Variants in AHI1 observed in about 807,000 individuals in gnomAD.
AHI1 encodes the protein jouberin.
A neutral mutation model predicts 149.3 loss-of-function variants in AHI1; 123 were observed. That is an observed-to-expected ratio of 0.82 (90% confidence interval 0.71 to 0.96). The LOEUF (loss-of-function observed/expected upper bound fraction) is 0.96. AHI1 is among the 40% of genes least tolerant of loss of function. The pLI is 0.00. For missense variants in AHI1, 1,439 were observed against 1,422.7 expected (o/e 1.01, Z -0.18); for synonymous variants, 475 against 459.8 (o/e 1.03, Z -0.42).
At chr6:135,303,643 T>C (rs1453305516) in intron 26 of AHI1, among the ~76,000 whole-genome samples, 3 of 152,084 alleles carry the variant, frequency 2.0e-5, no homozygotes, top group Non-Finnish European at 2.9e-5. Context: ...AGACCAGGAA[T>C]TGGAGGCCCA....
intron 24 of AHI1, among the ~76,000 whole-genome samples, chr6:135,325,246 C>T (rs997384181): frequency 6.6e-5 from 10 of 152,096 alleles, no homozygotes; most frequent in South Asian, 2.1e-4. Context: ...AGGTTGGTTT[C>T]GAACTCCTGA....
chr6:135,387,348 T>A (rs1164991203), intron 23 of AHI1, among the ~76,000 whole-genome samples: 6 of 152,210 alleles, frequency 3.9e-5, no homozygotes, highest in Non-Finnish European at 7.3e-5. Context: ...TTTGTTCTAT[T>A]TTAATGTCTG....
chr6:135,340,085 G>GA, intron 24 of AHI1, among the ~76,000 whole-genome samples: 1 of 152,108 alleles, frequency 6.6e-6, no homozygotes. Flanking sequence ...AAGAAAAAAG[G>GA]AAGGGGCCAG....
intron 26 of AHI1, chr6:135,300,779 C>T: frequency 9.0e-7 from 1 of 1,108,138 alleles, no homozygotes; most frequent in African/African-American, 1.7e-5. Flanking sequence ...AGTTCAAACA[C>T]TCATTTATAA....
intron 24 of AHI1, among the ~76,000 whole-genome samples, chr6:135,332,846 C>T (rs1006146778): frequency 6.6e-6 from 1 of 152,232 alleles, no homozygotes; most frequent in African/African-American, 2.4e-5. Context: ...CGTTCCTTCT[C>T]TGTCTATAAA....
intron 26 of AHI1, chr6:135,302,546 T>C: frequency 1.8e-6 from 2 of 1,093,206 alleles, no homozygotes; most frequent in East Asian, 7.5e-5. Context: ...TTCCTATCAC[T>C]GGCATACCCA....
intron 23 of AHI1, among the ~76,000 whole-genome samples, chr6:135,390,692 C>T (rs1380402826): frequency 6.6e-6 from 1 of 152,142 alleles, no homozygotes; most frequent in African/African-American, 2.4e-5. Context: ...CTCTCTGATT[C>T]TCGGTTTCAC....
rs1356523261 is a variant in AHI1, at chr6:135,285,628, A to G, written c.*17T>C. ...ACCTCTGTGCATTTCGGCAGCTCTT[A>G]ACTTTTCTTCAATTCTTTACTGGAA... On this transcript the variant is annotated 3_prime_UTR_variant, in exon 29 of 29. Transcript: ENST00000265602. 12 of 1,607,892 alleles carry G rather than the reference A, an allele frequency of 7.5e-6. No homozygotes were observed. The highest frequency in any genetic ancestry group is 8.5e-6 in the Non-Finnish European group (10 of 1,176,376).
chr6:135,319,099 T>C (rs1213740714), intron 25 of AHI1, among the ~76,000 whole-genome samples: 2 of 152,186 alleles, frequency 1.3e-5, no homozygotes, highest in Admixed American at 1.3e-4. Flanking sequence ...CAAACTCTGA[T>C]GTGGGGATGG....
At chr6:135,400,970 C>T (rs528874615) in intron 22 of AHI1, among the ~76,000 whole-genome samples, 162 of 152,232 alleles carry the variant, frequency 1.1e-3, no homozygotes, top group African/African-American at 3.6e-3. Flanking sequence ...GTTTTTTCTT[C>T]TGGGTCCTAT....
At chr6:135,475,801 C>T (rs561713177) in intron 5 of AHI1, among the ~76,000 whole-genome samples, 1 of 152,268 alleles carries the variant, frequency 6.6e-6, no homozygotes, top group South Asian at 2.1e-4. Context: ...TAATCTGTAT[C>T]CTTTTACAGT....
intron 23 of AHI1, among the ~76,000 whole-genome samples, chr6:135,380,167 C>T (rs1776526909): frequency 6.6e-6 from 1 of 151,736 alleles, no homozygotes; most frequent in Admixed American, 6.6e-5. Context: ...AACTCCCTTC[C>T]CTGCTTTGTC....
intron 27 of AHI1, among the ~76,000 whole-genome samples, chr6:135,293,151 T>A (rs1782571997): frequency 6.6e-6 from 1 of 151,918 alleles, no homozygotes; most frequent in Admixed American, 6.6e-5. Context: ...AACCATAGAT[T>A]ACTTAACTAA....
chr6:135,466,856 G>A (rs530962766), intron 6 of AHI1, among the ~76,000 whole-genome samples: 1 of 152,200 alleles, frequency 6.6e-6, no homozygotes, highest in East Asian at 1.9e-4. Context: ...AAATCTAAGT[G>A]TATCACTAAA....
At chr6:135,340,193 A>C (rs919945455) in intron 24 of AHI1, among the ~76,000 whole-genome samples, 1 of 152,144 alleles carries the variant, frequency 6.6e-6, no homozygotes, top group African/African-American at 2.4e-5. Flanking sequence ...AACACGGTGA[A>C]ACCCTGTATC....
rs1491123932 is a variant in AHI1, at chr6:135,380,732, C to CCA, written c.3109+14043_3109+14044insTG. Among the ~76,000 whole-genome samples, 49 of 36,644 alleles carry CCA rather than the reference C, an allele frequency of 1.3e-3. 1 individual carries two copies. Among genetic ancestry groups the CCA allele is most frequent in the African/African-American group, 8.7e-3 (48 of 5,492 alleles). The allele number at this position is 36,644 out of a possible 152,430, so 24.0% of individuals were successfully genotyped here. On this transcript the variant is annotated intron_variant, in intron 23 of 28. Coordinates refer to ENST00000265602, the MANE Select transcript of AHI1 (RefSeq NM_001134831.2). The stretch of plus-strand genomic sequence containing the variant: ...TTAAACATCTTTTTAAGTAAAATAA[C>CCA]CCCCCCCCCCCCAAAAAAAAAGTAC...
chr6:135,322,039 G>C (rs1786921830), intron 25 of AHI1, among the ~76,000 whole-genome samples: 1 of 152,204 alleles, frequency 6.6e-6, no homozygotes, highest in African/African-American at 2.4e-5. Context: ...CTGACCTAAA[G>C]TGATCTGCCT....
Position 135,419,172 on chromosome 6 carries a change from T to C in AHI1, c.2765-7628A>G, listed in dbSNP as rs368721626. ...ACTGTTCAAAATCTATAGAGTGATG[T>C]GTAGCAGATTCAAGTCTCACAGTCA... On this transcript the variant is annotated intron_variant, in intron 20 of 28. Coordinates refer to ENST00000265602, the MANE Select transcript of AHI1 (RefSeq NM_001134831.2). Among the ~76,000 whole-genome samples, 6 of 152,214 alleles carry C rather than the reference T, an allele frequency of 3.9e-5. No individual in the cohort carries two copies. In the East Asian group the frequency reaches 7.7e-4, roughly 20 times the overall value.
chr6:135,302,925 T>C (rs558680308), intron 26 of AHI1: 4 of 699,826 alleles, frequency 5.7e-6, no homozygotes, highest in South Asian at 1.8e-5. Context: ...ACACACTTGT[T>C]AGAAAGTTGT....
Sources: gnomAD v4.1 joint callset for allele counts (sites outside exome capture counted in the v4.1 genomes callset) on GRCh38, gnomAD v4.1.1 for gene constraint, MANE v1.5 for transcripts, NCBI Gene and HGNC (gene_info 2026-07-23, HGNC 2026-07-21) for gene names.